Variants in SYT2 observed in about 807,000 individuals in gnomAD.
The protein encoded by SYT2 is synaptotagmin 2.
A neutral mutation model predicts 39.9 loss-of-function variants in SYT2; 15 were observed. The observed-to-expected ratio is 0.38, with a 90% CI of 0.25 to 0.58. The LOEUF is 0.58. Among genes scored for constraint, SYT2 ranks in the 20% least tolerant of loss-of-function variants. The pLI, the probability that SYT2 is intolerant of heterozygous loss-of-function variation, is 0.70. For missense variants in SYT2, 389 were observed against 530.3 expected (o/e 0.73, Z 2.62); for synonymous variants, 181 against 204.5 (o/e 0.89, Z 0.98).
Position 202,664,921 on chromosome 1 carries a change from A to C in SYT2, c.-18+45337T>G, listed in dbSNP as rs534239304. ...TGATCTGCCTGCCTTGGCCTCCCAAAGTGCTGGGATTACAGGCGTGAGCCA... is the reference window on the plus strand; with the variant it reads ...TGATCTGCCTGCCTTGGCCTCCCAACGTGCTGGGATTACAGGCGTGAGCCA... On this transcript the variant is annotated intron_variant, in intron 1 of 8. Transcript: ENST00000367268. Among the ~76,000 whole-genome samples the C allele has an allele frequency of 6.4e-4, 97 of 152,314 alleles. 1 individual carries two copies. Among genetic ancestry groups the C allele is most frequent in the African/African-American group, 2.2e-3 (90 of 41,562 alleles).
chr1:202,659,665 C>G lies in SYT2; in HGVS notation c.-18+50593G>C, dbSNP rs148298702. ...GGTGAGCATCACAAGGTCCTAAGCT[C>G]TCTCCCCATGACCTGGAGGGGCTGC... On this transcript the variant is annotated intron_variant, in intron 1 of 8. Coordinates refer to ENST00000367268, the MANE Select transcript of SYT2 (RefSeq NM_177402.5). Among the ~76,000 whole-genome samples, 43 of 152,316 alleles carry G rather than the reference C, an allele frequency of 2.8e-4. No individual in the cohort carries two copies. In the East Asian group the frequency reaches 6.0e-3, roughly 21 times the overall value.
intron 1 of SYT2, among the ~76,000 whole-genome samples, chr1:202,708,143 G>A (rs116496132): frequency 0.026 from 3,891 of 152,192 alleles, 72 homozygotes; most frequent in South Asian, 0.059. Context: ...CAATGTTTAC[G>A]AACACCAACA....
At chr1:202,604,272 C>T (rs1690621803) in intron 3 of SYT2, 183 bp downstream of exon 3, 3 of 623,898 alleles carry the variant, frequency 4.8e-6, no homozygotes, top group Admixed American at 2.6e-5. Context: ...AGGAATAAGG[C>T]CCCCCCCTCC....
chr1:202,638,796 C>A (rs540809945), intron 1 of SYT2, among the ~76,000 whole-genome samples: 5 of 152,218 alleles, frequency 3.3e-5, no homozygotes, highest in Admixed American at 3.3e-4. Context: ...ACTTATTCCC[C>A]GTCCTTTGCC....
chr1:202,605,920 T>G, intron 1 of SYT2, 131 bp from the exon 2 acceptor site: 1 of 616,366 alleles, frequency 1.6e-6, no homozygotes, highest in Non-Finnish European at 2.9e-6. Flanking sequence ...ACAACTGTAG[T>G]AAACCAATAA....
At chr1:202,668,000 C>T (rs145721357) in intron 1 of SYT2, among the ~76,000 whole-genome samples, 72 of 152,314 alleles carry the variant, frequency 4.7e-4, no homozygotes, top group African/African-American at 1.4e-3. Flanking sequence ...CGTGAGCCAT[C>T]GCGCCCGGCC....
At chr1:202,685,305 C>A (rs1000889858) in intron 1 of SYT2, among the ~76,000 whole-genome samples, 1 of 152,138 alleles carries the variant, frequency 6.6e-6, no homozygotes, top group Non-Finnish European at 1.5e-5. Context: ...CAGTGCCCCC[C>A]ACCACCACCT....
At chr1:202,684,360 A>G (rs1191449114) in intron 1 of SYT2, among the ~76,000 whole-genome samples, 2 of 151,196 alleles carry the variant, frequency 1.3e-5, no homozygotes, top group African/African-American at 4.9e-5. Flanking sequence ...TTTTTTTTCA[A>G]TTCCACATAT....
At position 202,685,616 on chromosome 1, in the gene SYT2, G is replaced by GA. The variant is rs1268820723; in HGVS notation, c.-18+24641dup. ...CATGAAGGGATGCTTGGGCGGGGTG[G>GA]AAAAGAAAGTTTGAGGGAAATGCTA... On this transcript the variant is annotated intron_variant, in intron 1 of 8. Transcript: ENST00000367268. Among the ~76,000 whole-genome samples, 9 of 152,130 alleles carry GA rather than the reference G, an allele frequency of 5.9e-5. No individual in the cohort carries two copies. In the East Asian group the frequency reaches 1.7e-3, roughly 29 times the overall value.
intron 1 of SYT2, among the ~76,000 whole-genome samples, chr1:202,673,971 A>C (rs1465277888): frequency 6.6e-6 from 1 of 151,960 alleles, no homozygotes; most frequent in African/African-American, 2.4e-5. Context: ...CGTTACATAC[A>C]TGTGATATTT....
chr1:202,637,408 C>T (rs1438304673), intron 1 of SYT2, among the ~76,000 whole-genome samples: 2 of 152,232 alleles, frequency 1.3e-5, no homozygotes, highest in Non-Finnish European at 2.9e-5. Context: ...ACTAGGGGCA[C>T]ACGAGTCGGC....
At chr1:202,603,203 C>T (rs2149069810) in intron 3 of SYT2, 85 bp from the exon 4 acceptor site, 1 of 1,549,338 alleles carries the variant, frequency 6.5e-7, no homozygotes, top group African/African-American at 1.4e-5. Flanking sequence ...GGAAACCAGC[C>T]CCTCTGTGGT....
At position 202,605,578 on chromosome 1, in the gene SYT2, C is replaced by T. The variant is rs1320424181; in HGVS notation, c.178+17G>A. On this transcript the variant is annotated intron_variant, in intron 2 of 8. Transcript: ENST00000367268. ...CTCTAGCCTTGCCCCACCCTCTCAG[C>T]CACCAGAGACACTCACAGGGAATCT... is the stretch of plus-strand genomic sequence containing the variant. 6.2e-7 allele frequency: 1 copy of T among 1,609,034 alleles called. No individual in the cohort carries two copies. The highest frequency in any genetic ancestry group is 1.3e-5 in the African/African-American group (1 of 74,982).
chr1:202,602,014 A>G lies in SYT2; in HGVS notation c.677T>C (p.Ile226Thr), dbSNP rs752968184. Reference sequence around the variant, plus strand: ...TTTGGAGAAGCGGTCAAAGTCATAGATGGCCATCACCAGAGTTTTGCCCCC... The same window carrying G: ...TTTGGAGAAGCGGTCAAAGTCATAGGTGGCCATCACCAGAGTTTTGCCCCC... ...ELGGKTLVMA[I>T]YDFDRFSKHD... The change falls in exon 6 of 9, where the codon ATC becomes ACC. Residue 226 changes from isoleucine (I) to threonine (T), a missense_variant. Around this residue, in one of 4 missense-constraint regions of SYT2, gnomAD observed 280 missense variants for 335.6 expected, o/e 0.83. Transcript: ENST00000367268. 1.2e-6 allele frequency: 2 copies of G among 1,614,188 alleles called. No homozygotes were observed. Among genetic ancestry groups the G allele is most frequent in the Admixed American group, 3.3e-5 (2 of 60,032 alleles).
Position 202,596,892 on chromosome 1 carries a change from G to A in SYT2, c.1125C>T (p.Phe375=), listed in dbSNP as rs139376371. ...LGKNEAIGKI[F]VGSNATGTEL... is the part of the protein sequence containing the mutation. ...CTGTGCCCGTGGCATTGCTGCCCAC[G>A]AAGATCTTGCCTATGGCTTCGTTCT... Residue 375 remains phenylalanine, a synonymous_variant, in exon 9 of 9, where the codon TTC becomes TTT. Transcript: ENST00000367268. 18 of 1,614,108 alleles carry A rather than the reference G, an allele frequency of 1.1e-5. No homozygotes were observed. Among genetic ancestry groups the A allele is most frequent in the Middle Eastern group, 1.6e-4 (1 of 6,084 alleles).
chr1:202,658,797 C>T (rs1166799181), intron 1 of SYT2, among the ~76,000 whole-genome samples: 2 of 151,984 alleles, frequency 1.3e-5, no homozygotes, highest in South Asian at 2.1e-4. Flanking sequence ...GTGCTGGCAC[C>T]CTCCTCTTGC....
chr1:202,703,552 C>T (rs1654174762), intron 1 of SYT2, among the ~76,000 whole-genome samples: 1 of 152,112 alleles, frequency 6.6e-6, no homozygotes, highest in Non-Finnish European at 1.5e-5. Context: ...CCCCTGCAGC[C>T]TCTCCCTCTT....
At chr1:202,639,700 C>A (rs1691846731) in intron 1 of SYT2, 1 of 985,470 alleles carries the variant, frequency 1.0e-6, no homozygotes, top group South Asian at 4.7e-5. Flanking sequence ...CAGACTCATG[C>A]TGCTTGCTTG....
chr1:202,617,661 C>T (rs1418786571), intron 1 of SYT2, among the ~76,000 whole-genome samples: 1 of 152,174 alleles, frequency 6.6e-6, no homozygotes, highest in Non-Finnish European at 1.5e-5. Flanking sequence ...CTCCCCACAC[C>T]CATGGCTCCC....
Sources: allele counts gnomAD v4.1 joint callset (sites outside exome capture counted in the v4.1 genomes callset), GRCh38; gene constraint gnomAD v4.1.1; regional missense constraint gnomAD v4.1.1; transcripts MANE v1.5; gene names NCBI Gene and HGNC (gene_info 2026-07-23, HGNC 2026-07-21).